The following EEA1 variants were observed in gnomAD, a reference collection of about 807,000 sequenced individuals.
The protein encoded by EEA1 is early endosome antigen 1.
In EEA1, 111 loss-of-function variants were observed where a neutral mutation model predicts 209.2. The observed-to-expected ratio is 0.53, with a 90% CI of 0.45 to 0.62. The LOEUF is 0.62. EEA1 is among the 20% of genes least tolerant of loss of function. EEA1 has a pLI of 0.00. For synonymous variants in EEA1, 536 were observed against 540.6 expected (o/e 0.99, Z 0.12); for missense variants, 1,343 against 1,530.8 (o/e 0.88, Z 2.05).
rs908218098 is a variant in EEA1, at chr12:92,799,224, G to A, written c.2773-138C>T. The A allele has an allele frequency of 4.5e-6, 3 of 659,812 alleles. No homozygotes were observed. The African/African-American group carries it at 5.6e-5, about 12-fold the overall frequency. The allele number at this position is 659,812 out of a possible 1,614,324, so 40.9% of individuals were successfully genotyped here. ...TTTACTGAGTAACTACTACACTCCA[G>A]GCACTACTCTAGGAAGAAATTACTG... On this transcript the variant is annotated intron_variant, in intron 20 of 28. Transcript: ENST00000322349.
intron 1 of EEA1, among the ~76,000 whole-genome samples, chr12:92,903,849 T>TC (rs1213895883): frequency 2.0e-5 from 3 of 152,112 alleles, no homozygotes; most frequent in Non-Finnish European, 4.4e-5. Context: ...TTGCTACTTT[T>TC]CCCCCTCATA....
intron 10 of EEA1, among the ~76,000 whole-genome samples, chr12:92,838,384 A>G (rs1182118379): frequency 6.6e-6 from 1 of 152,172 alleles, no homozygotes; most frequent in Non-Finnish European, 1.5e-5. Context: ...CTGCTACTCT[A>G]CATATCCTGG....
intron 13 of EEA1, among the ~76,000 whole-genome samples, chr12:92,825,730 A>G (rs928254730): frequency 2.2e-4 from 34 of 151,776 alleles, no homozygotes; most frequent in African/African-American, 7.7e-4. Context: ...TGGGCTAATG[A>G]TGCCAGAAAA....
Position 92,852,226 on chromosome 12 carries a change from T to C in EEA1, c.591A>G (p.Thr197=). The change falls in exon 8 of 29, where the codon ACA becomes ACG. Residue 197 remains threonine (T), a synonymous_variant. Coordinates refer to ENST00000322349, the MANE Select transcript of EEA1 (RefSeq NM_003566.4). ...EAAEQKVTRL[T]EELNKEATVI... ...CAGTTGCCTCTTTGTTTAATTCTTC[T>C]GTCAGACGTGTCACTTTTTGTTCAG... The C allele has an allele frequency of 1.2e-6, 2 of 1,600,258 alleles. No individual in the cohort carries two copies. Among genetic ancestry groups the C allele is most frequent in the Non-Finnish European group, 1.7e-6 (2 of 1,173,884 alleles).
chr12:92,885,748 A>C (rs1350367967), intron 2 of EEA1, among the ~76,000 whole-genome samples: 2 of 152,204 alleles, frequency 1.3e-5, no homozygotes, highest in African/African-American at 2.4e-5. Context: ...AAGAGAAAGA[A>C]GTGGAATGGG....
chr12:92,884,092 A>G (rs1176831531), intron 2 of EEA1: 9 of 1,236,506 alleles, frequency 7.3e-6, no homozygotes, highest in South Asian at 3.6e-5. Context: ...TATGAAAAAG[A>G]TATTTGTTGG....
intron 10 of EEA1, 71 bp from the exon 11 acceptor site, chr12:92,832,921 T>C: frequency 1.8e-6 from 2 of 1,136,478 alleles, no homozygotes; most frequent in South Asian, 1.6e-5. Context: ...CAAACAATCT[T>C]TGGAGCAGTA....
chr12:92,860,901 CAA>C (rs1323389533), intron 3 of EEA1, among the ~76,000 whole-genome samples: 5 of 137,486 alleles, frequency 3.6e-5, no homozygotes, highest in African/African-American at 1.4e-4. Context: ...AAAAAGAAGA[CAA>C]AGAAGAAGAG....
rs573531211 is a variant in EEA1 at position 92,830,673 on chromosome 12, T to C, written c.1254+1839A>G. Among the ~76,000 whole-genome samples the C allele has an allele frequency of 3.3e-5, 5 of 152,226 alleles. No homozygotes were observed. The East Asian group carries it at 9.7e-4, about 29-fold the overall frequency. On this transcript the variant is annotated intron_variant, in intron 11 of 28. Transcript: ENST00000322349. ...AAAACTAAAGACACTTCCATATTCTTGCAGTGAAGAATAAGGAAAAGAAGG... is the reference window on the plus strand; with the variant it reads ...AAAACTAAAGACACTTCCATATTCTCGCAGTGAAGAATAAGGAAAAGAAGG...
chr12:92,892,488 C>CA (rs1271911388), intron 1 of EEA1, among the ~76,000 whole-genome samples: 17 of 149,864 alleles, frequency 1.1e-4, no homozygotes, highest in African/African-American at 3.7e-4. Flanking sequence ...CAAGTTAAAG[C>CA]AAAAAAAATC....
intron 21 of EEA1, among the ~76,000 whole-genome samples, chr12:92,797,212 G>A (rs61933717): frequency 0.25 from 38,494 of 151,808 alleles, 5,348 homozygotes; most frequent in Non-Finnish European, 0.32. Context: ...CTCAGCCTTC[G>A]GAGTAGCTGG....
intron 24 of EEA1, among the ~76,000 whole-genome samples, chr12:92,779,687 G>A (rs977311426): frequency 2.0e-5 from 3 of 147,972 alleles, no homozygotes; most frequent in Admixed American, 6.7e-5. Context: ...ACATTCTAGA[G>A]GACAGAGGAA....
intron 11 of EEA1, among the ~76,000 whole-genome samples, chr12:92,828,403 T>C (rs1876423154): frequency 1.3e-5 from 2 of 152,184 alleles, no homozygotes; most frequent in South Asian, 4.1e-4. Flanking sequence ...TTAAGACACT[T>C]AGTACACACT....
At chr12:92,885,149 A>G (rs1325445477) in intron 2 of EEA1, among the ~76,000 whole-genome samples, 1 of 152,082 alleles carries the variant, frequency 6.6e-6, no homozygotes, top group Non-Finnish European at 1.5e-5. Context: ...ATAGGCTATT[A>G]GTAGTTAAAT....
intron 2 of EEA1, among the ~76,000 whole-genome samples, chr12:92,868,316 A>AGTAGATAT (rs1265789041): frequency 6.6e-6 from 1 of 152,226 alleles, no homozygotes; most frequent in Admixed American, 6.5e-5. Flanking sequence ...GTACAACACT[A>AGTAGATAT]GTAGATATGC....
chr12:92,869,717 C>T (rs2136728960), intron 2 of EEA1, among the ~76,000 whole-genome samples: 1 of 125,522 alleles, frequency 8.0e-6, no homozygotes, highest in South Asian at 2.6e-4. Flanking sequence ...TGCACCACTG[C>T]ACTCCAGCCT....
At chr12:92,856,413 CTGTT>C (rs1417569844) in intron 5 of EEA1, among the ~76,000 whole-genome samples, 3 of 152,054 alleles carry the variant, frequency 2.0e-5, no homozygotes, top group Non-Finnish European at 2.9e-5. Flanking sequence ...TGATTTTCTT[CTGTT>C]TTTCTCTATG....
intron 2 of EEA1, among the ~76,000 whole-genome samples, chr12:92,866,612 C>T (rs796680983): frequency 3.9e-5 from 6 of 152,166 alleles, no homozygotes; most frequent in African/African-American, 1.4e-4. Flanking sequence ...CCTCTTCTGA[C>T]TCAGCATTCT....
chr12:92,914,663 C>T (rs145815373), intron 1 of EEA1, among the ~76,000 whole-genome samples: 4 of 150,418 alleles, frequency 2.7e-5, no homozygotes, highest in Admixed American at 1.3e-4. Context: ...CTTGTCTCTA[C>T]AATTTTTTTT....
Sources: gnomAD v4.1 joint callset for allele counts (sites outside exome capture counted in the v4.1 genomes callset) on GRCh38, gnomAD v4.1.1 for gene constraint, MANE v1.5 for transcripts, NCBI Gene and HGNC (gene_info 2026-07-23, HGNC 2026-07-21) for gene names.